KCNMA1: variants seen among roughly 807,000 people sequenced by gnomAD.
KCNMA1 encodes potassium calcium-activated channel subfamily M alpha 1.
In KCNMA1, 29 loss-of-function variants were observed where a neutral mutation model predicts 140.0. The observed-to-expected ratio is 0.21, with a 90% CI of 0.15 to 0.28. The LOEUF (loss-of-function observed/expected upper bound fraction) is 0.28. Ranked by LOEUF, KCNMA1 falls within the 10% of genes least tolerant of loss-of-function variation. The pLI is 1.00. For missense variants in KCNMA1, 880 were observed against 1,602.2 expected (o/e 0.55, Z 7.70); for synonymous variants, 612 against 611.9 (o/e 1.00, Z 0.00).
chr10:77,552,569 G>A (rs75859355), intron 1 of KCNMA1, among the ~76,000 whole-genome samples: 1,766 of 152,298 alleles, frequency 0.012, 17 homozygotes, highest in East Asian at 0.051. Context: ...ACATGTGTGT[G>A]CTGCTCTCTG....
At chr10:77,180,585 C>G (rs553206618) in intron 5 of KCNMA1, among the ~76,000 whole-genome samples, 2 of 152,254 alleles carry the variant, frequency 1.3e-5, no homozygotes, top group Admixed American at 1.3e-4. Context: ...TGCTTCCTAA[C>G]CATACCGTAT....
chr10:76,975,118 C>G (rs2077100576), intron 19 of KCNMA1, among the ~76,000 whole-genome samples: 1 of 152,106 alleles, frequency 6.6e-6, no homozygotes, highest in Non-Finnish European at 1.5e-5. Context: ...CCGTCAGCGA[C>G]ACCAGTGAAA....
intron 3 of KCNMA1, chr10:77,250,985 C>T (rs892344133): frequency 1.0e-5 from 6 of 588,024 alleles, no homozygotes; most frequent in Admixed American, 2.7e-5. Context: ...TATACCTCAC[C>T]CTCCTATGCC....
chr10:77,519,096 C>T (rs2051782423), intron 1 of KCNMA1, among the ~76,000 whole-genome samples: 1 of 152,234 alleles, frequency 6.6e-6, no homozygotes. Flanking sequence ...CCTTTATGAC[C>T]TTTCCATTCA....
chr10:77,058,963 A>T (rs1232454406), intron 14 of KCNMA1, among the ~76,000 whole-genome samples: 1 of 152,054 alleles, frequency 6.6e-6, no homozygotes, highest in Non-Finnish European at 1.5e-5. Flanking sequence ...CAAACTTTAT[A>T]TCTAGTAAGA....
At chr10:77,457,104 C>G (rs2097773745) in intron 1 of KCNMA1, among the ~76,000 whole-genome samples, 1 of 152,108 alleles carries the variant, frequency 6.6e-6, no homozygotes. Flanking sequence ...GCAAGGACCC[C>G]TCCGAAGTTC....
At chr10:77,202,061 G>A (rs142746458) in intron 3 of KCNMA1, among the ~76,000 whole-genome samples, 6 of 152,306 alleles carry the variant, frequency 3.9e-5, no homozygotes, top group African/African-American at 1.4e-4. Flanking sequence ...TTATTCTCCT[G>A]TTTGGTTTTA....
intron 19 of KCNMA1, among the ~76,000 whole-genome samples, chr10:76,976,412 T>C (rs1206430722): frequency 1.3e-5 from 2 of 152,138 alleles, no homozygotes; most frequent in Admixed American, 1.3e-4. Context: ...AATGAAAGAA[T>C]TCAGCTCCTC....
chr10:77,341,229 A>C (rs1417576013), intron 2 of KCNMA1, among the ~76,000 whole-genome samples: 1 of 152,256 alleles, frequency 6.6e-6, no homozygotes, highest in Non-Finnish European at 1.5e-5. Flanking sequence ...AATGAGATAT[A>C]TCACACACTA....
intron 3 of KCNMA1, among the ~76,000 whole-genome samples, chr10:77,218,386 G>A (rs994954402): frequency 8.5e-5 from 13 of 152,202 alleles, no homozygotes; most frequent in African/African-American, 2.4e-4. Context: ...TTACTTGAAT[G>A]AATAAAAGAT....
intron 1 of KCNMA1, among the ~76,000 whole-genome samples, chr10:77,565,581 G>C (rs927041133): frequency 2.6e-5 from 4 of 152,206 alleles, no homozygotes; most frequent in Admixed American, 2.6e-4. Context: ...GGCAGGCCCT[G>C]CCACCAACGC....
In KCNMA1 at chr10:77,514,792, C is replaced by T. The variant is rs989950928; in HGVS notation, c.379-110769G>A. Among the ~76,000 whole-genome samples the T allele has an allele frequency of 2.6e-4, 40 of 152,182 alleles. 1 individual carries two copies. The highest frequency in any genetic ancestry group is 1.3e-4 in the Admixed American group (2 of 15,284). On this transcript the variant is annotated intron_variant, in intron 1 of 27. Coordinates refer to ENST00000286628, the MANE Select transcript of KCNMA1 (RefSeq NM_001161352.2). ...TGTACTTTCTCCTTGCACCTGTGGG[C>T]GCTCTGTGCTCAGCCTTTGAGATTT...
chr10:77,615,548 C>T (rs1174482281), intron 1 of KCNMA1, among the ~76,000 whole-genome samples: 4 of 152,166 alleles, frequency 2.6e-5, no homozygotes, highest in South Asian at 2.1e-4. Context: ...TCCAATCCTC[C>T]GTTTTACAGG....
At chr10:77,414,770 G>C (rs187794948) in intron 1 of KCNMA1, among the ~76,000 whole-genome samples, 3 of 152,122 alleles carry the variant, frequency 2.0e-5, no homozygotes, top group Non-Finnish European at 4.4e-5. Context: ...GATTACAGGC[G>C]TGAGCCACCA....
intron 14 of KCNMA1, 136 bp from the exon 15 acceptor site, chr10:77,039,773 G>A (rs999083256): frequency 1.3e-5 from 9 of 697,842 alleles, no homozygotes; most frequent in South Asian, 4.6e-5. Flanking sequence ...TCAGGAACAC[G>A]GCCTCTGCAC....
intron 2 of KCNMA1, among the ~76,000 whole-genome samples, chr10:77,332,737 A>T (rs114787737): frequency 0.014 from 2,146 of 152,300 alleles, 44 homozygotes; most frequent in African/African-American, 0.049. Flanking sequence ...GCCAAATGAG[A>T]TAGGATAGGG....
intron 14 of KCNMA1, among the ~76,000 whole-genome samples, chr10:77,049,700 A>G (rs983207041): frequency 1.3e-5 from 2 of 152,230 alleles, no homozygotes; most frequent in African/African-American, 4.8e-5. Flanking sequence ...TCTGATCATA[A>G]GTAAGCATGA....
At chr10:77,379,474 T>C (rs1475989619) in intron 2 of KCNMA1, among the ~76,000 whole-genome samples, 1 of 149,482 alleles carries the variant, frequency 6.7e-6, no homozygotes, top group Admixed American at 6.7e-5. Context: ...AGCAGATAAA[T>C]ATATAGAAGC....
chr10:77,183,319 C>T, intron 5 of KCNMA1, 102 bp downstream of exon 5: 1 of 801,306 alleles, frequency 1.2e-6, no homozygotes, highest in East Asian at 2.5e-5. Flanking sequence ...TTAATACATA[C>T]AACATTGTTT....
Sources: gnomAD v4.1 joint callset for allele counts (sites outside exome capture counted in the v4.1 genomes callset) on GRCh38, gnomAD v4.1.1 for gene constraint, MANE v1.5 for transcripts, NCBI Gene and HGNC (gene_info 2026-07-23, HGNC 2026-07-21) for gene names.